Variants in NDST3 observed in about 807,000 individuals in gnomAD.
The protein encoded by NDST3 is bifunctional heparan sulfate N-deacetylase/N-sulfotransferase 3.
NDST3 carries 58 observed loss-of-function variants against 96.1 expected under a neutral mutation model. That is an observed-to-expected ratio of 0.60 (90% CI 0.49 to 0.75). The LOEUF (loss-of-function observed/expected upper bound fraction) is 0.75. NDST3 is among the 30% of genes least tolerant of loss of function. The pLI, the probability that NDST3 is intolerant of heterozygous loss-of-function variation, is 0.00. For missense variants in NDST3, 788 were observed against 1,034.2 expected (o/e 0.76, Z 3.27); for synonymous variants, 333 against 359.7 (o/e 0.93, Z 0.84).
At chr4:118,240,497 G>T in intron 10 of NDST3, 27 bp from the exon 11 acceptor site, 1 of 1,564,078 alleles carries the variant, frequency 6.4e-7, no homozygotes. Flanking sequence ...GTTCAGATTA[G>T]TTTAATTATC....
At chr4:118,196,076 T>C (rs984551202) in intron 6 of NDST3, among the ~76,000 whole-genome samples, 4 of 152,230 alleles carry the variant, frequency 2.6e-5, no homozygotes, top group Non-Finnish European at 4.4e-5. Flanking sequence ...TTGTATCAAA[T>C]GCTTTTTTAA....
chr4:118,205,228 T>C lies in NDST3; in HGVS notation c.1540-19263T>C, dbSNP rs1040067963. On this transcript the variant is annotated intron_variant, in intron 6 of 13. Coordinates refer to ENST00000296499, the MANE Select transcript of NDST3 (RefSeq NM_004784.3). ...TTCATTTATGCAGATGGGCTTGAGA[T>C]AGACAAATAGATACTCAAAGAGAAC... Among the ~76,000 whole-genome samples the C allele has an allele frequency of 3.2e-4, 46 of 144,226 alleles. 6 individuals carry two copies. Among genetic ancestry groups the C allele is most frequent in the Admixed American group, 2.8e-4 (4 of 14,520 alleles). The allele number at this position is 144,226 out of a possible 152,430, so 94.6% of individuals were successfully genotyped here. A position where few individuals can be genotyped will look rare whatever the true frequency, so the allele number is the denominator to read the frequency against.
chr4:118,205,820 C>G lies in NDST3; in HGVS notation c.1540-18671C>G, dbSNP rs1017474281. Among the ~76,000 whole-genome samples, 9 of 128,652 alleles carry G rather than the reference C, an allele frequency of 7.0e-5. 2 individuals carry two copies. The highest frequency in any genetic ancestry group is 1.4e-4 in the Non-Finnish European group (8 of 59,170). The allele number at this position is 128,652 out of a possible 152,430, so 84.4% of individuals were successfully genotyped here. A position where few individuals can be genotyped will look rare whatever the true frequency, so the allele number is the denominator to read the frequency against. On this transcript the variant is annotated intron_variant, in intron 6 of 13. Transcript: ENST00000296499. ...AGTACAAATATACAGTACTGGCCAC[C>G]TATCGGGCTTTCTTTTTTTTTTTTT...
At position 118,081,405 on chromosome 4, in the gene NDST3, A is replaced by C. The variant is rs1727997450; in HGVS notation, c.982-23613A>C. Among the ~76,000 whole-genome samples, 3 of 87,840 alleles carry C rather than the reference A, an allele frequency of 3.4e-5. No individual in the cohort carries two copies. In the South Asian group the frequency reaches 2.2e-3, roughly 66 times the overall value. The allele number at this position is 87,840 out of a possible 152,430, so 57.6% of individuals were successfully genotyped here. A position where few individuals can be genotyped will look rare whatever the true frequency, so the allele number is the denominator to read the frequency against. ...TTTTTTAAATGATGCATACAATGCA[A>C]GTGATTGTGTGTGTGTGTGCGAGAG... On this transcript the variant is annotated intron_variant, in intron 2 of 13. Transcript: ENST00000296499.
At chr4:118,047,684 A>G (rs955806240) in intron 1 of NDST3, among the ~76,000 whole-genome samples, 1 of 152,204 alleles carries the variant, frequency 6.6e-6, no homozygotes, top group Non-Finnish European at 1.5e-5. Context: ...GGCCAACTCA[A>G]CTCAGACAAA....
intron 1 of NDST3, among the ~76,000 whole-genome samples, chr4:118,051,927 C>G (rs571700264): frequency 6.6e-6 from 1 of 152,206 alleles, no homozygotes; most frequent in South Asian, 2.1e-4. Flanking sequence ...TGCTTATACA[C>G]TGTTGGTGGG....
chr4:118,065,557 A>C (rs1216574913), intron 2 of NDST3, among the ~76,000 whole-genome samples: 2 of 152,110 alleles, frequency 1.3e-5, no homozygotes, highest in Non-Finnish European at 2.9e-5. Flanking sequence ...ATCAATTATG[A>C]GACTAGAGAC....
chr4:118,122,240 G>T (rs570271363), intron 4 of NDST3, among the ~76,000 whole-genome samples: 1 of 152,126 alleles, frequency 6.6e-6, no homozygotes, highest in African/African-American at 2.4e-5. Context: ...GTATGAGGGT[G>T]GGGGAGGTCT....
At chr4:118,114,751 T>C (rs1730925265) in intron 3 of NDST3, 55 bp from the exon 4 acceptor site, 2 of 1,517,312 alleles carry the variant, frequency 1.3e-6, no homozygotes, top group African/African-American at 1.4e-5. Context: ...AGTAGATTGA[T>C]TGATCATAGA....
At chr4:118,102,904 T>A (rs573392176) in intron 2 of NDST3, among the ~76,000 whole-genome samples, 27 of 152,256 alleles carry the variant, frequency 1.8e-4, no homozygotes, top group African/African-American at 6.5e-4. Context: ...GTATCTTTTA[T>A]GTGTTTAGTG....
intron 6 of NDST3, among the ~76,000 whole-genome samples, chr4:118,153,466 A>G (rs759797957): frequency 6.6e-6 from 1 of 152,226 alleles, no homozygotes; most frequent in Non-Finnish European, 1.5e-5. Context: ...TTATGTAATA[A>G]AATACATTAT....
chr4:118,164,788 G>A (rs1319468411), intron 6 of NDST3, among the ~76,000 whole-genome samples: 1 of 152,066 alleles, frequency 6.6e-6, no homozygotes, highest in East Asian at 1.9e-4. Flanking sequence ...ATAATAAAAA[G>A]GGCAAGGGAG....
chr4:118,252,671 A>C (rs1741822641), intron 12 of NDST3, among the ~76,000 whole-genome samples: 4 of 152,202 alleles, frequency 2.6e-5, no homozygotes, highest in Admixed American at 2.6e-4. Flanking sequence ...CAGGCGGATC[A>C]CCTGAGGTCA....
rs1392148131 is a variant in NDST3, at chr4:118,218,767, T to C, written c.1540-5724T>C. Reference sequence around the variant, plus strand: ...AAGTCAAATTGTCTCTGTTTGTAGATGGCATGATTCTATACTTAGAAAACC... The same window carrying C: ...AAGTCAAATTGTCTCTGTTTGTAGACGGCATGATTCTATACTTAGAAAACC... On this transcript the variant is annotated intron_variant, in intron 6 of 13. Transcript: ENST00000296499. Among the ~76,000 whole-genome samples the C allele has an allele frequency of 3.9e-5, 6 of 152,252 alleles. No homozygotes were observed. The East Asian group carries it at 5.8e-4, about 15-fold the overall frequency.
chr4:118,221,703 T>C (rs951808748), intron 6 of NDST3, among the ~76,000 whole-genome samples: 1 of 152,012 alleles, frequency 6.6e-6, no homozygotes, highest in African/African-American at 2.4e-5. Context: ...ACCTTTTCCC[T>C]TTTTACAGAA....
intron 4 of NDST3, among the ~76,000 whole-genome samples, chr4:118,131,950 A>T (rs2125890219): frequency 6.6e-6 from 1 of 152,208 alleles, no homozygotes; most frequent in East Asian, 1.9e-4. Context: ...AACTGGGATT[A>T]TGATGATGCA....
At chr4:118,229,374 T>C (rs1437944299) in intron 8 of NDST3, among the ~76,000 whole-genome samples, 1 of 152,206 alleles carries the variant, frequency 6.6e-6, no homozygotes, top group Non-Finnish European at 1.5e-5. Flanking sequence ...TTTTCAGTGT[T>C]GAGGCTGACA....
intron 6 of NDST3, among the ~76,000 whole-genome samples, chr4:118,158,165 T>C (rs1734839197): frequency 6.6e-6 from 1 of 152,214 alleles, no homozygotes; most frequent in African/African-American, 2.4e-5. Context: ...TACCTCTATC[T>C]AGAATCAATG....
intron 2 of NDST3, among the ~76,000 whole-genome samples, chr4:118,058,790 A>T (rs1578551275): frequency 6.6e-6 from 1 of 152,022 alleles, no homozygotes; most frequent in Admixed American, 6.6e-5. Context: ...TTCTACAATT[A>T]AAAAAAGCTT....
Sources: allele counts gnomAD v4.1 joint callset (sites outside exome capture counted in the v4.1 genomes callset), GRCh38; gene constraint gnomAD v4.1.1; transcripts MANE v1.5; gene names NCBI Gene and HGNC (gene_info 2026-07-23, HGNC 2026-07-21).